ADPRHL1: variants seen among roughly 807,000 people sequenced by gnomAD.
The protein encoded by ADPRHL1 is ADP-ribosylhydrolase like 1, also known as inactive ADP-ribosyltransferase ARH2.
In ADPRHL1, 43 loss-of-function variants were observed where a neutral mutation model predicts 44.1. The observed-to-expected ratio is 0.98, with a 90% CI of 0.76 to 1.26. The LOEUF (loss-of-function observed/expected upper bound fraction) is 1.26, where lower values mean the gene tolerates loss of function less well. Among genes scored for constraint, ADPRHL1 ranks in the 50% most tolerant of loss-of-function variants. The pLI is 0.00. For missense variants in ADPRHL1, 2,022 were observed against 2,496.9 expected (o/e 0.81, Z 4.05); for synonymous variants, 878 against 1,017.4 (o/e 0.86, Z 2.61).
At chr13:113,427,274 G>A (rs1184322049) in intron 4 of ADPRHL1, among the ~76,000 whole-genome samples, 1 of 152,232 alleles carries the variant, frequency 6.6e-6, no homozygotes, top group Non-Finnish European at 1.5e-5. Flanking sequence ...AATATACTGT[G>A]AATTCAGTAA....
intron 5 of ADPRHL1, among the ~76,000 whole-genome samples, chr13:113,424,675 T>C (rs377646087): frequency 1.4e-5 from 2 of 138,658 alleles, no homozygotes; most frequent in African/African-American, 2.7e-5. Flanking sequence ...CCATTCACCA[T>C]CCATTCATCT....
At chr13:113,451,737 G>A (rs1055709216) in intron 1 of ADPRHL1, among the ~76,000 whole-genome samples, 5 of 152,198 alleles carry the variant, frequency 3.3e-5, no homozygotes, top group Non-Finnish European at 7.3e-5. Flanking sequence ...GAACCTGGGA[G>A]GTGGAGGTTG....
chr13:113,428,872 A>T (rs928608999), intron 4 of ADPRHL1, 80 bp downstream of exon 4: 12 of 1,584,386 alleles, frequency 7.6e-6, no homozygotes, highest in African/African-American at 1.3e-5. Context: ...AAGTGCCTTG[A>T]AGTATTTGGG....
At chr13:113,424,864 T>C (rs1175360057) in intron 5 of ADPRHL1, among the ~76,000 whole-genome samples, 188 bp downstream of exon 5, 6 of 124,842 alleles carry the variant, frequency 4.8e-5, no homozygotes, top group African/African-American at 9.1e-5. Context: ...ATTCATCCAT[T>C]CACCCACCCA....
At chr13:113,445,058 C>T (rs1010839475) in intron 1 of ADPRHL1, among the ~76,000 whole-genome samples, 2 of 152,184 alleles carry the variant, frequency 1.3e-5, no homozygotes, top group Non-Finnish European at 2.9e-5. Context: ...TTGCCAGAAA[C>T]CCAGGTGCTG....
At chr13:113,410,631 G>A (rs546987840) in intron 7 of ADPRHL1, among the ~76,000 whole-genome samples, 2 of 152,312 alleles carry the variant, frequency 1.3e-5, no homozygotes, top group South Asian at 2.1e-4. Flanking sequence ...GGAAGGAGCC[G>A]CTGTGTCCCT....
intron 3 of ADPRHL1, among the ~76,000 whole-genome samples, chr13:113,429,723 G>T (rs1164792238): frequency 6.6e-6 from 1 of 152,208 alleles, no homozygotes; most frequent in African/African-American, 2.4e-5. Flanking sequence ...AGAGCTCTGG[G>T]TCCGTTGTGC....
At chr13:113,450,960 C>G (rs111464373) in intron 1 of ADPRHL1, among the ~76,000 whole-genome samples, 4,647 of 151,656 alleles carry the variant, frequency 0.031, 97 homozygotes, top group Non-Finnish European at 0.04. Flanking sequence ...AGACCCCCCC[C>G]CCCTTCCTGG....
At chr13:113,439,521 C>T (rs1417859016) in intron 2 of ADPRHL1, among the ~76,000 whole-genome samples, 7 of 151,174 alleles carry the variant, frequency 4.6e-5, no homozygotes, top group Admixed American at 4.6e-4. Flanking sequence ...GATCTCGGCT[C>T]ACTGCAACAT....
intron 2 of ADPRHL1, among the ~76,000 whole-genome samples, chr13:113,440,788 C>T (rs777723740): frequency 9.2e-5 from 14 of 152,032 alleles, no homozygotes; most frequent in South Asian, 8.3e-4. Context: ...AATCTATTTA[C>T]GTCTTTATAT....
At chr13:113,447,593 CAT>C (rs1439327948) in intron 1 of ADPRHL1, among the ~76,000 whole-genome samples, 42 of 151,752 alleles carry the variant, frequency 2.8e-4, no homozygotes, top group East Asian at 1.5e-3. Context: ...TGTCTACACA[CAT>C]GTTGTCTGCA....
rs1003503429 is a variant in ADPRHL1 at position 113,404,131 on chromosome 13, C to T, written c.5151G>A (p.Gln1717=). 1 of 886,772 alleles carries T rather than the reference C, an allele frequency of 1.1e-6. No homozygotes were observed. Among genetic ancestry groups the T allele is most frequent in the Non-Finnish European group, 1.4e-6 (1 of 693,182 alleles). The allele number at this position is 886,772 out of a possible 1,614,324, so 54.9% of individuals were successfully genotyped here. A position where few individuals can be genotyped will look rare whatever the true frequency, so the allele number is the denominator to read the frequency against. The change falls in exon 8 of 8, where the codon CAG becomes CAA. Residue 1717 remains glutamine, a synonymous_variant. Transcript: ENST00000612156. ...CCCGAGCCCGTTCCTGAGCCCCTTT[C>T]TGGGCCTGTTCCCGAGCCCGCTCCT... The part of the protein sequence containing the change: ...GAQERAREQA[Q]KGAQERAREQ...
chr13:113,426,570 C>T (rs1435095361), intron 4 of ADPRHL1, among the ~76,000 whole-genome samples: 1 of 152,204 alleles, frequency 6.6e-6, no homozygotes, highest in Non-Finnish European at 1.5e-5. Flanking sequence ...AGGACCTGGA[C>T]GAGGCTCACA....
Position 113,406,164 on chromosome 13 carries a change from T to C in ADPRHL1, c.3118A>G (p.Thr1040Ala). The change falls in exon 8 of 8, where the codon ACG (threonine) becomes GCG (alanine). Residue 1040 changes from threonine (T) to alanine (A), a missense_variant. Coordinates refer to ENST00000612156, the MANE Select transcript of ADPRHL1 (RefSeq NM_001394807.1). ...CCCTTGGATGATGCCGCCAGTGACG[T>C]GGGGGCTCCTGTTGGGTTTCTCCCA... The part of the protein sequence containing the change: ...PTGRNPTGAP[T>A]SLAASSKGRT... 8.1e-7 allele frequency: 1 copy of C among 1,232,122 alleles called. No homozygotes were observed. Among genetic ancestry groups the C allele is most frequent in the Non-Finnish European group, 1.0e-6 (1 of 987,970 alleles). 76.3% of individuals were successfully genotyped at this position (1,232,122 alleles called of 1,614,324 possible). A position where few individuals can be genotyped will look rare whatever the true frequency, so the allele number is the denominator to read the frequency against.
chr13:113,452,656 T>A (rs2044186223), intron 1 of ADPRHL1, among the ~76,000 whole-genome samples: 1 of 152,244 alleles, frequency 6.6e-6, no homozygotes, highest in Admixed American at 6.5e-5. Flanking sequence ...TATGTCATTT[T>A]CTTAGAACAC....
At chr13:113,420,188 C>G (rs1230964501) in intron 7 of ADPRHL1, among the ~76,000 whole-genome samples, 1 of 152,204 alleles carries the variant, frequency 6.6e-6, no homozygotes, top group Non-Finnish European at 1.5e-5. Flanking sequence ...TCAGTGTCCC[C>G]TCAGTGCTTT....
chr13:113,409,424 C>T lies in ADPRHL1; in HGVS notation c.1062-1204G>A, dbSNP rs979653045. On this transcript the variant is annotated intron_variant, in intron 7 of 7. Coordinates refer to ENST00000612156, the MANE Select transcript of ADPRHL1 (RefSeq NM_001394807.1). This position sits in a 1 kb window ranked among gnomAD's most constrained non-coding sequence, Gnocchi z 4.2. ...AAGACTCGAGTATTACAGGAAAAGT[C>T]GCCTTCATGGTGCCGTTTATAATGT... 6.1e-6 allele frequency: 6 copies of T among 985,272 alleles called. No homozygotes were observed. The Admixed American group carries it at 1.8e-4, about 30-fold the overall frequency. 61.0% of individuals were successfully genotyped at this position (985,272 alleles called of 1,614,324 possible).
chr13:113,431,058 G>T (rs184529243), intron 3 of ADPRHL1, among the ~76,000 whole-genome samples: 3,263 of 152,290 alleles, frequency 0.021, 121 homozygotes, highest in East Asian at 0.13. Context: ...AGAAGGTTCT[G>T]CTGTGGACCC....
chr13:113,443,379 G>A (rs1817042909), intron 2 of ADPRHL1, among the ~76,000 whole-genome samples: 1 of 151,982 alleles, frequency 6.6e-6, no homozygotes, highest in South Asian at 2.1e-4. Flanking sequence ...AGACTGAGGT[G>A]GGCAGATCGC....
Sources: allele counts gnomAD v4.1 joint callset (sites outside exome capture counted in the v4.1 genomes callset), GRCh38; gene constraint gnomAD v4.1.1; non-coding constraint Gnocchi (gnomAD v3.1); transcripts MANE v1.5; gene names NCBI Gene and HGNC (gene_info 2026-07-23, HGNC 2026-07-21).